Variants in RYR1 observed in about 807,000 individuals in gnomAD.
RYR1 encodes ryanodine receptor 1, also known as central core disease of muscle.
In RYR1, 342 loss-of-function variants were observed where a neutral mutation model predicts 583.5. That is an observed-to-expected ratio of 0.59 (90% CI 0.54 to 0.64). The LOEUF (loss-of-function observed/expected upper bound fraction) is 0.64. Ranked by LOEUF, RYR1 falls within the 30% of genes least tolerant of loss-of-function variation. The probability of loss-of-function intolerance (pLI) is 0.00; values close to 1 mark genes in which losing one functional copy is unlikely to be tolerated. For synonymous variants in RYR1, 2,791 were observed against 2,822.5 expected (o/e 0.99, Z 0.35); for missense variants, 6,032 against 6,917.2 (o/e 0.87, Z 4.54).
Position 38,516,145 on chromosome 19 carries a change from T to A in RYR1, c.9613T>A (p.Phe3205Ile). 6.4e-7 allele frequency: 1 copy of A among 1,553,736 alleles called. No homozygotes were observed. The highest frequency in any genetic ancestry group is 1.2e-5 in the South Asian group (1 of 84,228). ...TCTGGCAGCAGCCATGCCGGTGGCGTTCCTGGAGCCGCAGCTGAACGAGTA... is the reference window on the plus strand; with the variant it reads ...TCTGGCAGCAGCCATGCCGGTGGCGATCCTGGAGCCGCAGCTGAACGAGTA... ...ARLAAAMPVA[F>I]LEPQLNEYNA... Residue 3205 changes from phenylalanine to isoleucine, a missense_variant, in exon 65 of 106, where the codon TTC becomes ATC. Phe to Ile is a conservative substitution (Grantham distance 21). Coordinates refer to ENST00000359596, the MANE Select transcript of RYR1 (RefSeq NM_000540.3).
In RYR1 at chr19:38,486,029, G is replaced by C. The variant is rs1280895188; in HGVS notation, c.5374G>C (p.Ala1792Pro). ...FVAALPAAGA[A>P]EAPARLSPAI... ...GGCCGCTCTGCCAGCTGCTGGGGCA[G>C]CAGAGGCCCCGGCCCGCCTCAGCCC... The change falls in exon 34 of 106, where the codon GCA becomes CCA. Residue 1792 changes from alanine (A) to proline (P), a missense_variant. Coordinates refer to ENST00000359596, the MANE Select transcript of RYR1 (RefSeq NM_000540.3). The C allele has an allele frequency of 1.2e-6, 2 of 1,613,188 alleles. No individual in the cohort carries two copies. The highest frequency in any genetic ancestry group is 1.7e-6 in the Non-Finnish European group (2 of 1,179,798).
rs768925817 is a variant in RYR1 at position 38,543,914 on chromosome 19, C to T, written c.12012+39C>T. 6.3e-7 allele frequency: 1 copy of T among 1,585,176 alleles called. No homozygotes were observed. The highest frequency in any genetic ancestry group is 1.1e-5 in the South Asian group (1 of 89,078). ...TGGTCTCCATCCACCTGCTTCCGGG[C>T]GTCCCCCAAGTGGTCCATTTCCAAG... On this transcript the variant is annotated intron_variant, in intron 87 of 105. Transcript: ENST00000359596. This position sits in a 1 kb window ranked among gnomAD's most constrained non-coding sequence, Gnocchi z 4.4.
At chr19:38,537,525 G>T (rs528005357) in intron 83 of RYR1, among the ~76,000 whole-genome samples, 1 of 152,118 alleles carries the variant, frequency 6.6e-6, no homozygotes, top group Non-Finnish European at 1.5e-5. Context: ...CGGTCTGAAG[G>T]GGGGCTGAGG....
intron 58 of RYR1, among the ~76,000 whole-genome samples, chr19:38,508,147 G>T (rs112862857): frequency 4.6e-5 from 7 of 152,278 alleles, no homozygotes; most frequent in African/African-American, 1.7e-4. Context: ...AGGGGATTGG[G>T]AGTGTGGAGC....
intron 31 of RYR1, 148 bp from the exon 32 acceptor site, chr19:38,482,879 G>A (rs1321575511): frequency 1.4e-6 from 1 of 730,960 alleles, no homozygotes; most frequent in Non-Finnish European, 2.5e-6. Context: ...GATCAGAGGT[G>A]GGACAGTCTA....
At chr19:38,468,655 C>G (rs1031973733) in intron 25 of RYR1, among the ~76,000 whole-genome samples, 2 of 152,192 alleles carry the variant, frequency 1.3e-5, no homozygotes, top group East Asian at 3.8e-4. Context: ...CTTTCCATCC[C>G]TCTACTTACT....
chr19:38,582,712 C>A (rs1974270452), intron 101 of RYR1, among the ~76,000 whole-genome samples: 1 of 152,120 alleles, frequency 6.6e-6, no homozygotes, highest in Non-Finnish European at 1.5e-5. Context: ...TATATTTTCT[C>A]TTCTATTCTA....
rs193922847 is a variant in RYR1 at position 38,561,165 on chromosome 19, C to T, written c.12335C>T (p.Ser4112Leu). 2.5e-6 allele frequency: 4 copies of T among 1,614,156 alleles called. No homozygotes were observed. Among genetic ancestry groups the T allele is most frequent in the Admixed American group, 1.7e-5 (1 of 60,002 alleles). Reference protein sequence around the residue: ...FSGPEIQFLLSCSEADENEMI... With the variant: ...FSGPEIQFLLLCSEADENEMI... Reference sequence around the variant, plus strand: ...GGTCCAGAAATCCAGTTCCTGCTTTCGTGCTCCGAAGCGGATGAGAACGAA... The same window carrying T: ...GGTCCAGAAATCCAGTTCCTGCTTTTGTGCTCCGAAGCGGATGAGAACGAA... Residue 4112 changes from serine (S) to leucine (L), a missense_variant, in exon 90 of 106, where the codon TCG becomes TTG. Physicochemically the swap from Ser to Leu is moderately radical, Grantham distance 145. Around this residue, in one of 11 missense-constraint regions of RYR1, gnomAD observed 753 missense variants for 759.6 expected, o/e 0.99. Transcript: ENST00000359596. The surrounding 1 kb of genome is among the most constrained non-coding windows in gnomAD (Gnocchi z 4.8).
At position 38,455,199 on chromosome 19, in the gene RYR1, C is replaced by A. The variant is rs769119974; in HGVS notation, c.1441-36C>A. The A allele has an allele frequency of 5.0e-6, 8 of 1,612,050 alleles. No individual in the cohort carries two copies. The South Asian group carries it at 7.7e-5, about 15-fold the overall frequency. Reference sequence around the variant, plus strand: ...AAGACAAGGAAGGGAGGGCCTGGGTCTCCTATTGTGATGCCTCTTATTTTC... The same window carrying A: ...AAGACAAGGAAGGGAGGGCCTGGGTATCCTATTGTGATGCCTCTTATTTTC... On this transcript the variant is annotated intron_variant, in intron 13 of 105. Coordinates refer to ENST00000359596, the MANE Select transcript of RYR1 (RefSeq NM_000540.3).
intron 37 of RYR1, among the ~76,000 whole-genome samples, chr19:38,492,045 T>A (rs1473170735): frequency 6.6e-6 from 1 of 152,156 alleles, no homozygotes; most frequent in East Asian, 1.9e-4. Context: ...AATGAATAAA[T>A]GAACAAATAC....
intron 89 of RYR1, among the ~76,000 whole-genome samples, chr19:38,550,909 C>T (rs745873283): frequency 6.6e-6 from 1 of 151,918 alleles, no homozygotes; most frequent in Non-Finnish European, 1.5e-5. Context: ...TCTCATTTCG[C>T]CGTATGCTTT....
In RYR1 at chr19:38,585,972, C is replaced by A. The variant is rs1974467570; in HGVS notation, c.14838C>A (p.Asp4946Glu). The A allele has an allele frequency of 1.2e-6, 2 of 1,613,670 alleles. No homozygotes were observed. The highest frequency in any genetic ancestry group is 2.7e-5 in the African/African-American group (2 of 74,766). ...TCGACGCTTTTGGTGAGCTCCGAGA[C>A]CAACAAGAGCAAGTGAAGGAGGATA... ...LIIDAFGELR[D>E]QQEQVKEDME... Residue 4946 changes from aspartate (D) to glutamate (E), a missense_variant, in exon 103 of 106, where the codon GAC (aspartate) becomes GAA (glutamate). Coordinates refer to ENST00000359596, the MANE Select transcript of RYR1 (RefSeq NM_000540.3).
intron 89 of RYR1, among the ~76,000 whole-genome samples, chr19:38,558,066 T>G (rs1016626956): frequency 6.6e-6 from 1 of 152,036 alleles, no homozygotes; most frequent in African/African-American, 2.4e-5. Context: ...CTCGATACTT[T>G]GGGAGGCTGA....
At chr19:38,453,850 G>A (rs1172202651) in intron 13 of RYR1, among the ~76,000 whole-genome samples, 1 of 151,946 alleles carries the variant, frequency 6.6e-6, no homozygotes, top group African/African-American at 2.4e-5. Flanking sequence ...GCAGAGAGGT[G>A]ACGAGGGCCA....
chr19:38,552,341 G>A (rs375375570), intron 89 of RYR1, among the ~76,000 whole-genome samples: 1 of 151,460 alleles, frequency 6.6e-6, no homozygotes. Flanking sequence ...TGCAAACTCC[G>A]CTTCCTGGGT....
At chr19:38,530,781 C>T (rs1568544678) in intron 76 of RYR1, among the ~76,000 whole-genome samples, 1 of 151,878 alleles carries the variant, frequency 6.6e-6, no homozygotes, top group Non-Finnish European at 1.5e-5. Context: ...CCACTCTTCA[C>T]CCTCAGCAAG....
At chr19:38,507,003 C>G in intron 57 of RYR1, 51 bp downstream of exon 57, 1 of 1,611,228 alleles carries the variant, frequency 6.2e-7, no homozygotes, top group Non-Finnish European at 8.5e-7. Context: ...ACACACCCGG[C>G]AAAGGCTGGA....
At chr19:38,526,880 A>C in intron 71 of RYR1, 113 bp from the exon 72 acceptor site, 2 of 1,134,058 alleles carry the variant, frequency 1.8e-6, no homozygotes, top group Non-Finnish European at 2.6e-6. Flanking sequence ...CCCCACCCCC[A>C]CCCCAGAAAA....
intron 89 of RYR1, among the ~76,000 whole-genome samples, chr19:38,551,719 G>A (rs1401569305): frequency 1.3e-5 from 2 of 151,852 alleles, no homozygotes; most frequent in Non-Finnish European, 2.9e-5. Context: ...TGGCCTTTTC[G>A]TTTCCCTCCC....
Sources: gnomAD v4.1 joint callset for allele counts (sites outside exome capture counted in the v4.1 genomes callset) on GRCh38, gnomAD v4.1.1 for gene constraint, gnomAD v4.1.1 regional missense constraint, Gnocchi (gnomAD v3.1) non-coding constraint, MANE v1.5 for transcripts, NCBI Gene and HGNC (gene_info 2026-07-23, HGNC 2026-07-21) for gene names.